The following TRIM61 variants were observed in gnomAD, a reference collection of about 807,000 sequenced individuals.
TRIM61 encodes tripartite motif containing 61.
TRIM61 carries 1 observed loss-of-function variant against 14.2 expected under a neutral mutation model. That is an observed-to-expected ratio of 0.07 (90% CI 0.03 to 0.33). The LOEUF (loss-of-function observed/expected upper bound fraction) is 0.33. Ranked by LOEUF, TRIM61 falls within the 10% of genes least tolerant of loss-of-function variation. The pLI is 0.99. For synonymous variants in TRIM61, 8 were observed against 71.6 expected, an observed-to-expected ratio of 0.11 and a Z score of 4.49; for missense variants, 19 against 202.2, an observed-to-expected ratio of 0.09 and a Z score of 5.49.
intron 3 of TRIM61, among the ~76,000 whole-genome samples, chr4:164,955,262 C>A (rs958984816): frequency 5.3e-5 from 8 of 152,246 alleles, no homozygotes; most frequent in African/African-American, 1.9e-4. Flanking sequence ...GGGCCTCATG[C>A]TGGTTTGCCC....
chr4:164,957,778 ATTTTC>A (rs1460646217), intron 3 of TRIM61: 3 of 300,322 alleles, frequency 1.0e-5, no homozygotes, highest in Non-Finnish European at 1.9e-5. Context: ...TTCAGACCAT[ATTTTC>A]TTATTTAAAG....
chr4:164,959,914 C>G (rs900759061), intron 3 of TRIM61, among the ~76,000 whole-genome samples: 5 of 152,250 alleles, frequency 3.3e-5, no homozygotes, highest in African/African-American at 1.2e-4. Flanking sequence ...AGGGCTAACT[C>G]CAGTACTTCA....
intron 3 of TRIM61, among the ~76,000 whole-genome samples, chr4:164,956,156 C>G (rs565495579): frequency 6.6e-6 from 1 of 152,324 alleles, no homozygotes; most frequent in African/African-American, 2.4e-5. Flanking sequence ...ACCTCAACTC[C>G]CCAGGTTCAA....
chr4:164,957,150 C>T, intron 3 of TRIM61: 2 of 1,609,450 alleles, frequency 1.2e-6, no homozygotes, highest in Non-Finnish European at 1.7e-6. Flanking sequence ...TCGGGTCTCC[C>T]TAACAGACCT....
At position 164,968,277 on chromosome 4, in the gene TRIM61, G is replaced by T. The variant is rs79291058; in HGVS notation, c.525+1201C>A. On this transcript the variant is annotated intron_variant, in intron 3 of 4. Coordinates refer to ENST00000329314, the MANE Select transcript of TRIM61 (RefSeq NM_001012414.3). The stretch of plus-strand genomic sequence containing the variant: ...TCTTTCTTAAAGGAAAAGTATATAA[G>T]AAATACAGAAAAAAATTACTGGGCT... The T allele has an allele frequency of 8.7e-6, 4 of 460,348 alleles. No homozygotes were observed. Among genetic ancestry groups the T allele is most frequent in the Admixed American group, 3.2e-4 (2 of 6,156 alleles). The allele number at this position is 460,348 out of a possible 1,614,324, so 28.5% of individuals were successfully genotyped here.
At position 164,965,014 on chromosome 4, in the gene TRIM61, G is replaced by A. The variant is rs139597912; in HGVS notation, c.525+4464C>T. ...ATTGGTGTAAAATAACTGGCTGGGC[G>A]CAGTGGCTCACACCTGGAATCCCAG... is the stretch of plus-strand genomic sequence containing the variant. On this transcript the variant is annotated intron_variant, in intron 3 of 4. Transcript: ENST00000329314. Among the ~76,000 whole-genome samples the A allele has an allele frequency of 2.5e-3, 376 of 152,274 alleles. 2 individuals carry two copies. The highest frequency in any genetic ancestry group is 8.2e-3 in the African/African-American group (341 of 41,546).
At chr4:164,972,088 AG>A (rs1479106434) in intron 2 of TRIM61, among the ~76,000 whole-genome samples, 1 of 152,242 alleles carries the variant, frequency 6.6e-6, no homozygotes, top group Non-Finnish European at 1.5e-5. Flanking sequence ...GTTTTAATTC[AG>A]TGTCCTAGGA....
At chr4:164,956,002 T>G (rs1208248400) in intron 3 of TRIM61, among the ~76,000 whole-genome samples, 3 of 152,186 alleles carry the variant, frequency 2.0e-5, no homozygotes, top group African/African-American at 7.2e-5. Flanking sequence ...GTAAGAGAAA[T>G]GAGCTTTTCT....
chr4:164,959,631 A>C (rs147493519), intron 3 of TRIM61, among the ~76,000 whole-genome samples: 2,916 of 152,300 alleles, frequency 0.019, 76 homozygotes, highest in African/African-American at 0.061. Flanking sequence ...AGAACATCAG[A>C]GAACACAGGC....
At chr4:164,964,642 A>G (rs1732201089) in intron 3 of TRIM61, among the ~76,000 whole-genome samples, 1 of 152,210 alleles carries the variant, frequency 6.6e-6, no homozygotes, top group Admixed American at 6.5e-5. Flanking sequence ...ACAATTAGGA[A>G]GAAGACTGAT....
Position 164,968,278 on chromosome 4 carries a change from A to C in TRIM61, c.525+1200T>G. 2.2e-6 allele frequency: 1 copy of C among 461,370 alleles called. No individual in the cohort carries two copies. Among genetic ancestry groups the C allele is most frequent in the Non-Finnish European group, 2.6e-6 (1 of 384,150 alleles). The allele number at this position is 461,370 out of a possible 1,614,324, so 28.6% of individuals were successfully genotyped here. On this transcript the variant is annotated intron_variant, in intron 3 of 4. Transcript: ENST00000329314. ...CTTTCTTAAAGGAAAAGTATATAAG[A>C]AATACAGAAAAAAATTACTGGGCTT...
At chr4:164,976,120 CAT>C (rs1345226379) in intron 2 of TRIM61, among the ~76,000 whole-genome samples, 6 of 152,182 alleles carry the variant, frequency 3.9e-5, no homozygotes, top group Admixed American at 1.3e-4. Context: ...CTATTGCTCA[CAT>C]GTTTGTTGCT....
At chr4:164,974,569 C>T (rs1160336399) in intron 2 of TRIM61, among the ~76,000 whole-genome samples, 1 of 152,024 alleles carries the variant, frequency 6.6e-6, no homozygotes, top group African/African-American at 2.4e-5. Flanking sequence ...AAAATTCTAA[C>T]ACAACACTAC....
chr4:164,955,129 T>C, intron 3 of TRIM61: 1 of 197,918 alleles, frequency 5.1e-6, no homozygotes, highest in Non-Finnish European at 1.1e-5. Context: ...ATTATTATGG[T>C]ATTATAGTAG....
chr4:164,955,568 C>CAAAAAAAAAAAAAAAAAAAAAAAAA, intron 3 of TRIM61, among the ~76,000 whole-genome samples: 1 of 77,236 alleles, frequency 1.3e-5, no homozygotes, highest in Non-Finnish European at 2.7e-5. Context: ...GATTCAGTCT[C>CAAAAAAAAAAAAAAAAAAAAAAAAA]AAAAAAAAAA....
chr4:164,971,515 C>G (rs559124905), intron 2 of TRIM61, among the ~76,000 whole-genome samples: 12 of 150,976 alleles, frequency 7.9e-5, no homozygotes, highest in Admixed American at 4.0e-4. Context: ...TGCTTGAACC[C>G]GAGAGGAGGA....
chr4:164,964,410 G>A (rs970901918), intron 3 of TRIM61, among the ~76,000 whole-genome samples: 1 of 150,756 alleles, frequency 6.6e-6, no homozygotes, highest in Admixed American at 6.6e-5. Flanking sequence ...TAAATGTAAA[G>A]CAAGAAGAAT....
At chr4:164,973,292 T>A (rs535663204) in intron 2 of TRIM61, among the ~76,000 whole-genome samples, 6 of 152,354 alleles carry the variant, frequency 3.9e-5, no homozygotes, top group Non-Finnish European at 8.8e-5. Context: ...TTGAACATGC[T>A]TATCCAACAT....
chr4:164,964,769 T>C (rs1297128531), intron 3 of TRIM61, among the ~76,000 whole-genome samples: 1 of 152,144 alleles, frequency 6.6e-6, no homozygotes, highest in Non-Finnish European at 1.5e-5. Context: ...TGGAAATACA[T>C]CAGTATATAT....
Sources: gnomAD v4.1 joint callset for allele counts (sites outside exome capture counted in the v4.1 genomes callset) on GRCh38, gnomAD v4.1.1 for gene constraint, MANE v1.5 for transcripts, NCBI Gene and HGNC (gene_info 2026-07-23, HGNC 2026-07-21) for gene names.